The following DNAAF4 variants were observed in gnomAD, a reference collection of about 807,000 sequenced individuals.
The protein encoded by DNAAF4 is dynein axonemal assembly factor 4.
DNAAF4 carries 43 observed loss-of-function variants against 51.8 expected under a neutral mutation model. That is an observed-to-expected ratio of 0.83 (90% confidence interval 0.65 to 1.07). The LOEUF is 1.07. Among genes scored for constraint, DNAAF4 ranks in the 50% least tolerant of loss-of-function variants. The pLI is 0.00. For synonymous variants in DNAAF4, 194 were observed against 165.6 expected, an observed-to-expected ratio of 1.17 and a Z score of -1.32; for missense variants, 581 against 493.0, an observed-to-expected ratio of 1.18 and a Z score of -1.69.
In DNAAF4 at chr15:55,481,713, T is replaced by C. The variant is rs144486799; in HGVS notation, c.405+9410A>G. On this transcript the variant is annotated intron_variant, in intron 4 of 9. Coordinates refer to ENST00000321149, the MANE Select transcript of DNAAF4 (RefSeq NM_130810.4). ...CCCATAAAGATTTATTGGGATCAAG[T>C]CTCTCAGGGGGAAATGAGGCAGAAC... Among the ~76,000 whole-genome samples the C allele has an allele frequency of 4.7e-3, 720 of 152,180 alleles. 5 individuals are homozygous for C. Among genetic ancestry groups the C allele is most frequent in the Admixed American group, 7.1e-3 (108 of 15,282 alleles).
At chr15:55,476,815 G>A (rs939517501) in intron 4 of DNAAF4, among the ~76,000 whole-genome samples, 2 of 152,192 alleles carry the variant, frequency 1.3e-5, no homozygotes, top group African/African-American at 2.4e-5. Flanking sequence ...CAAGGGCTGG[G>A]AGGATAGAGA....
intron 7 of DNAAF4, chr15:55,418,730 T>C (rs1275050014): frequency 1.9e-6 from 1 of 533,970 alleles, no homozygotes; most frequent in African/African-American, 1.9e-5. Flanking sequence ...ACAGTGACTT[T>C]TTAAATGAAA....
intron 6 of DNAAF4, among the ~76,000 whole-genome samples, chr15:55,446,296 C>CCGGGG (rs1555415276): frequency 5.2e-5 from 1 of 19,254 alleles, no homozygotes; most frequent in Non-Finnish European, 7.6e-5. Context: ...ACATCCCAGA[C>CCGGGG]GGGGGGGGGG....
chr15:55,432,986 A>T lies in DNAAF4; in HGVS notation c.1048-384T>A, dbSNP rs1193077607. ...AAACAAAAAACAAACAAGCAAAAAC[A>T]TGGTAAAAATTCTAATTTTAAAATA... On this transcript the variant is annotated intron_variant, in intron 8 of 9. Coordinates refer to ENST00000321149, the MANE Select transcript of DNAAF4 (RefSeq NM_130810.4). Among the ~76,000 whole-genome samples the T allele has an allele frequency of 4.0e-5, 6 of 151,092 alleles. No homozygotes were observed. In the East Asian group the frequency reaches 9.8e-4, roughly 25 times the overall value.
intron 7 of DNAAF4, among the ~76,000 whole-genome samples, chr15:55,420,056 T>C (rs1487802629): frequency 1.3e-5 from 2 of 152,192 alleles, no homozygotes; most frequent in South Asian, 4.2e-4. Context: ...AGCAAATTAA[T>C]ATGTGATAAT....
In DNAAF4 at chr15:55,498,188, G is replaced by A. The variant is rs372517669; in HGVS notation, c.123+19C>T. On this transcript the variant is annotated intron_variant, in intron 2 of 9. Coordinates refer to ENST00000321149, the MANE Select transcript of DNAAF4 (RefSeq NM_130810.4). The stretch of plus-strand genomic sequence containing the variant: ...GGACCACACCCCCGGAGACCGGCAG[G>A]CAAGACTTGCATTCTTACCTTCAGA... The A allele has an allele frequency of 1.2e-6, 2 of 1,614,048 alleles. No homozygotes were observed. Among genetic ancestry groups the A allele is most frequent in the Non-Finnish European group, 1.7e-6 (2 of 1,179,958 alleles).
intron 5 of DNAAF4, among the ~76,000 whole-genome samples, chr15:55,462,930 G>C (rs1015926030): frequency 1.3e-5 from 2 of 152,184 alleles, no homozygotes; most frequent in African/African-American, 4.8e-5. Flanking sequence ...CAGCACTTCG[G>C]GAAGCCGAGG....
rs140488458 is a variant in DNAAF4, at chr15:55,434,580, C to T, written c.1047+325G>A. On this transcript the variant is annotated intron_variant, in intron 8 of 9. Transcript: ENST00000321149. The stretch of plus-strand genomic sequence containing the variant: ...GGGCGCGGTGGCTCATGTCTGTAAT[C>T]CCAGCTCTCAGGGAGGCAGAGGCGG... 1.6e-3 allele frequency among the ~76,000 whole-genome samples: 241 copies of T among 152,176 alleles called. 2 individuals carry two copies. Among genetic ancestry groups the T allele is most frequent in the African/African-American group, 5.6e-3 (232 of 41,544 alleles).
intron 5 of DNAAF4, among the ~76,000 whole-genome samples, chr15:55,458,557 CAT>C (rs752003890): frequency 6.6e-6 from 1 of 152,048 alleles, no homozygotes; most frequent in Non-Finnish European, 1.5e-5. Flanking sequence ...AACAAGCAAA[CAT>C]AAGAATAATT....
intron 7 of DNAAF4, among the ~76,000 whole-genome samples, chr15:55,437,934 T>C (rs1193641827): frequency 6.6e-6 from 1 of 152,212 alleles, no homozygotes; most frequent in Non-Finnish European, 1.5e-5. Context: ...TGGTAGTTTG[T>C]TATAGAAGTA....
At chr15:55,489,636 C>G (rs543130377) in intron 4 of DNAAF4, among the ~76,000 whole-genome samples, 1 of 144,968 alleles carries the variant, frequency 6.9e-6, no homozygotes, top group African/African-American at 2.6e-5. Context: ...GATCTCACCA[C>G]TGCACTCCAG....
In DNAAF4 at chr15:55,430,358, G is replaced by A. The variant is rs2057474319; in HGVS notation, c.*312C>T. ...ATTCTACCTTGTTAAAAATTAATCA[G>A]TAAGTGTCCTGGTAACTATACCAAA... On this transcript the variant is annotated 3_prime_UTR_variant, in exon 10 of 10. Coordinates refer to ENST00000321149, the MANE Select transcript of DNAAF4 (RefSeq NM_130810.4). The A allele has an allele frequency of 1.0e-6, 1 of 982,710 alleles. No individual in the cohort carries two copies. Among genetic ancestry groups the A allele is most frequent in the Non-Finnish European group, 1.2e-6 (1 of 826,306 alleles). The allele number at this position is 982,710 out of a possible 1,614,324, so 60.9% of individuals were successfully genotyped here. A position where few individuals can be genotyped will look rare whatever the true frequency, so the allele number is the denominator to read the frequency against.
At chr15:55,422,360 G>A (rs1489407845) in intron 7 of DNAAF4, among the ~76,000 whole-genome samples, 1 of 152,080 alleles carries the variant, frequency 6.6e-6, no homozygotes, top group East Asian at 1.9e-4. Flanking sequence ...TGAATTCAAG[G>A]GAGTAGCCCA....
intron 7 of DNAAF4, 75 bp from the exon 8 acceptor site, chr15:55,435,133 T>C (rs1329018060): frequency 6.8e-7 from 1 of 1,475,432 alleles, no homozygotes; most frequent in Non-Finnish European, 9.1e-7. Context: ...CTAATTGTAT[T>C]TGACAAAGAG....
chr15:55,477,587 A>C (rs982536062), intron 4 of DNAAF4, among the ~76,000 whole-genome samples: 1 of 152,152 alleles, frequency 6.6e-6, no homozygotes, highest in Non-Finnish European at 1.5e-5. Flanking sequence ...AACACAGAAC[A>C]ACCACTGAAA....
intron 1 of DNAAF4, among the ~76,000 whole-genome samples, chr15:55,500,155 A>G (rs928197136): frequency 6.6e-6 from 1 of 152,196 alleles, no homozygotes; most frequent in Non-Finnish European, 1.5e-5. Flanking sequence ...TCTTTCACAC[A>G]AATTTCAATG....
At chr15:55,420,635 AG>A (rs1340041706) in intron 7 of DNAAF4, among the ~76,000 whole-genome samples, 5 of 152,176 alleles carry the variant, frequency 3.3e-5, no homozygotes, top group African/African-American at 1.2e-4. Context: ...ACAAGCAAGA[AG>A]AAAAATTAAT....
At chr15:55,496,953 C>T (rs1479769504) in intron 3 of DNAAF4, among the ~76,000 whole-genome samples, 1 of 152,180 alleles carries the variant, frequency 6.6e-6, no homozygotes, top group East Asian at 1.9e-4. Flanking sequence ...GTTTCATTAA[C>T]CAGGGAATAT....
At chr15:55,439,975 A>G (rs2057681760) in intron 6 of DNAAF4, among the ~76,000 whole-genome samples, 1 of 152,208 alleles carries the variant, frequency 6.6e-6, no homozygotes. Flanking sequence ...CAGAACTATA[A>G]GAAATGACTG....
Sources: allele counts gnomAD v4.1 joint callset (sites outside exome capture counted in the v4.1 genomes callset), GRCh38; gene constraint gnomAD v4.1.1; transcripts MANE v1.5; gene names NCBI Gene and HGNC (gene_info 2026-07-23, HGNC 2026-07-21).